The following SORCS2 variants were observed in gnomAD, a reference collection of about 807,000 sequenced individuals.
The protein encoded by SORCS2 is VPS10 domain-containing receptor SorCS2.
SORCS2 carries 100 observed loss-of-function variants against 141.6 expected under a neutral mutation model. The ratio of observed to expected loss-of-function variants is 0.71; its 90% CI spans 0.60 to 0.83. The LOEUF (loss-of-function observed/expected upper bound fraction) is 0.83, where lower values mean the gene tolerates loss of function less well. Ranked by LOEUF, SORCS2 falls within the 40% of genes least tolerant of loss-of-function variation. The pLI is 0.00. For missense variants in SORCS2, 1,646 were observed against 1,560.2 expected, an observed-to-expected ratio of 1.05 and a Z score of -0.93; for synonymous variants, 789 against 676.9, an observed-to-expected ratio of 1.17 and a Z score of -2.57.
intron 1 of SORCS2, among the ~76,000 whole-genome samples, chr4:7,244,928 C>G (rs1277406310): frequency 6.6e-6 from 1 of 152,160 alleles, no homozygotes; most frequent in Admixed American, 6.5e-5. Flanking sequence ...GCCGCCCCTT[C>G]CTTGGCCAAT....
intron 1 of SORCS2, among the ~76,000 whole-genome samples, chr4:7,314,817 T>G (rs28550972): frequency 0.079 from 11,138 of 141,596 alleles, 870 homozygotes; most frequent in African/African-American, 0.21. Flanking sequence ...TTTTTTTTTT[T>G]TTTTTTTTTT....
intron 2 of SORCS2, among the ~76,000 whole-genome samples, chr4:7,413,643 C>T (rs937969625): frequency 1.3e-5 from 2 of 152,164 alleles, no homozygotes; most frequent in Non-Finnish European, 2.9e-5. Flanking sequence ...CTGCCTCGGC[C>T]TCCCAAAGTG....
chr4:7,585,492 T>G (rs1279431539), intron 3 of SORCS2, among the ~76,000 whole-genome samples: 1 of 152,230 alleles, frequency 6.6e-6, no homozygotes, highest in African/African-American at 2.4e-5. Flanking sequence ...AATCCACCTG[T>G]GGCCTCACCT....
intron 3 of SORCS2, among the ~76,000 whole-genome samples, chr4:7,560,824 T>G (rs980213905): frequency 6.6e-6 from 1 of 152,168 alleles, no homozygotes; most frequent in Non-Finnish European, 1.5e-5. Flanking sequence ...TCCATTAGCA[T>G]GTTGATAATC....
intron 1 of SORCS2, among the ~76,000 whole-genome samples, chr4:7,212,141 G>A (rs1296325648): frequency 1.3e-5 from 2 of 152,022 alleles, no homozygotes; most frequent in East Asian, 1.9e-4. Context: ...GTCTTTCCTT[G>A]ACTCTGCCTT....
At chr4:7,439,238 C>T (rs1030670312) in intron 2 of SORCS2, among the ~76,000 whole-genome samples, 2 of 151,992 alleles carry the variant, frequency 1.3e-5, no homozygotes, top group African/African-American at 2.4e-5. Context: ...TTCATCCATC[C>T]ATCTTCACAA....
chr4:7,208,244 G>T (rs1425077538), intron 1 of SORCS2, among the ~76,000 whole-genome samples: 1 of 152,150 alleles, frequency 6.6e-6, no homozygotes, highest in African/African-American at 2.4e-5. Flanking sequence ...GCAGGTGGGG[G>T]TTAGAGACCG....
At chr4:7,283,301 A>G (rs1716007028) in intron 1 of SORCS2, among the ~76,000 whole-genome samples, 1 of 152,166 alleles carries the variant, frequency 6.6e-6, no homozygotes, top group South Asian at 2.1e-4. Context: ...TCGAGGAGAG[A>G]ATGACTTGAG....
intron 2 of SORCS2, chr4:7,430,462 G>A (rs6822277): frequency 0.67 from 102,008 of 151,984 alleles, 34,537 homozygotes; most frequent in African/African-American, 0.76. Context: ...CTCTGCATCT[G>A]GTGTGGCCGA....
At chr4:7,364,241 A>C (rs1232781032) in intron 1 of SORCS2, among the ~76,000 whole-genome samples, 1 of 152,206 alleles carries the variant, frequency 6.6e-6, no homozygotes, top group Non-Finnish European at 1.5e-5. Context: ...GTAGGTACCC[A>C]ACCCACCCTG....
chr4:7,271,883 C>G (rs1316891220), intron 1 of SORCS2, among the ~76,000 whole-genome samples: 1 of 152,206 alleles, frequency 6.6e-6, no homozygotes, highest in Non-Finnish European at 1.5e-5. Context: ...GAGCCCCAGG[C>G]TGCAGAGGCA....
intron 19 of SORCS2, among the ~76,000 whole-genome samples, chr4:7,724,144 G>GATAGCA (rs1384776881): frequency 1.6e-5 from 2 of 128,360 alleles, no homozygotes; most frequent in African/African-American, 6.1e-5. Context: ...TGGTGGTGAT[G>GATAGCA]GTCGTGGTGG....
intron 3 of SORCS2, among the ~76,000 whole-genome samples, chr4:7,594,961 C>T (rs1482789240): frequency 6.6e-6 from 1 of 152,176 alleles, no homozygotes; most frequent in Non-Finnish European, 1.5e-5. Flanking sequence ...TCCACCTCTG[C>T]AATGCCAGCT....
chr4:7,681,873 T>C (rs998846860), intron 9 of SORCS2, among the ~76,000 whole-genome samples: 64 of 152,344 alleles, frequency 4.2e-4, no homozygotes, highest in African/African-American at 1.5e-3. Flanking sequence ...CAGTTTCCCA[T>C]GGTGCATGCT....
intron 3 of SORCS2, among the ~76,000 whole-genome samples, chr4:7,587,983 G>T (rs989061540): frequency 6.6e-6 from 1 of 152,206 alleles, no homozygotes; most frequent in African/African-American, 2.4e-5. Flanking sequence ...AACTGTAAAA[G>T]TGGTCCCAAA....
At chr4:7,385,964 C>A (rs1396809383) in intron 1 of SORCS2, among the ~76,000 whole-genome samples, 1 of 152,210 alleles carries the variant, frequency 6.6e-6, no homozygotes, top group Non-Finnish European at 1.5e-5. Context: ...AAATGAGCAT[C>A]TTCCTCATGT....
At chr4:7,712,875 A>T (rs1386124339) in intron 15 of SORCS2, 22 bp downstream of exon 15, 9 of 1,612,688 alleles carry the variant, frequency 5.6e-6, no homozygotes, top group Middle Eastern at 1.7e-4. Flanking sequence ...TGAGGCTGGG[A>T]TCGGGCAGGT....
chr4:7,325,808 A>G (rs1719217490), intron 1 of SORCS2, among the ~76,000 whole-genome samples: 1 of 152,006 alleles, frequency 6.6e-6, no homozygotes, highest in Admixed American at 6.6e-5. Flanking sequence ...CTCTTCAGGC[A>G]CAGAGACACC....
intron 1 of SORCS2, among the ~76,000 whole-genome samples, chr4:7,388,107 G>GAC (rs56336831): frequency 0.35 from 53,018 of 150,958 alleles, 9,456 homozygotes; most frequent in East Asian, 0.56. Flanking sequence ...TGCATGCACA[G>GAC]ACACATGCAC....
Sources: allele counts gnomAD v4.1 joint callset (sites outside exome capture counted in the v4.1 genomes callset), GRCh38; gene constraint gnomAD v4.1.1; transcripts MANE v1.5; gene names NCBI Gene and HGNC (gene_info 2026-07-23, HGNC 2026-07-21).